The following TANC2 variants were observed in gnomAD, a reference collection of about 807,000 sequenced individuals.
TANC2 encodes tetratricopeptide repeat, ankyrin repeat and coiled-coil containing 2, also known as protein TANC2.
TANC2 carries 26 observed loss-of-function variants against 210.5 expected under a neutral mutation model. The ratio of observed to expected loss-of-function variants is 0.12; its 90% CI spans 0.09 to 0.17. TANC2 has a LOEUF of 0.17. TANC2 is among the 10% of genes least tolerant of loss of function. The probability of loss-of-function intolerance (pLI) is 1.00; values close to 1 mark genes in which losing one functional copy is unlikely to be tolerated. For missense variants in TANC2, 2,129 were observed against 2,608.9 expected (o/e 0.82, Z 4.01); for synonymous variants, 931 against 967.1 (o/e 0.96, Z 0.69).
chr17:63,353,716 C>T (rs1237016543), intron 13 of TANC2, among the ~76,000 whole-genome samples: 1 of 151,926 alleles, frequency 6.6e-6, no homozygotes, highest in Non-Finnish European at 1.5e-5. Context: ...TAAAAGTGGC[C>T]AGTGTGCTAA....
intron 8 of TANC2, among the ~76,000 whole-genome samples, chr17:63,257,759 A>ACT (rs1173228286): frequency 6.6e-6 from 1 of 150,920 alleles, no homozygotes; most frequent in East Asian, 1.9e-4. Context: ...ACTAATAAAA[A>ACT]CTCTCTACAC....
chr17:63,233,339 G>C (rs537867218), intron 7 of TANC2, among the ~76,000 whole-genome samples: 2 of 152,276 alleles, frequency 1.3e-5, no homozygotes, highest in East Asian at 3.9e-4. Flanking sequence ...AAACCCTGGT[G>C]GTGTGTGTGG....
In TANC2 at chr17:63,345,592, C is replaced by A. The variant is rs540349021; in HGVS notation, c.1807+5260C>A. ...TGAGATCATGCCATTGCACTCCAGC[C>A]TGGGCAACAAGAGCAAAATTCTGTC... On this transcript the variant is annotated intron_variant, in intron 12 of 27. Coordinates refer to ENST00000689528, the Ensembl canonical transcript of TANC2. Among the ~76,000 whole-genome samples the A allele has an allele frequency of 2.6e-3, 353 of 137,730 alleles. 2 individuals carry two copies. The highest frequency in any genetic ancestry group is 4.0e-3 in the Middle Eastern group (1 of 250). The allele number at this position is 137,730 out of a possible 152,430, so 90.4% of individuals were successfully genotyped here. A position where few individuals can be genotyped will look rare whatever the true frequency, so the allele number is the denominator to read the frequency against.
At chr17:63,190,727 C>T (rs1445711424) in intron 5 of TANC2, among the ~76,000 whole-genome samples, 1 of 151,706 alleles carries the variant, frequency 6.6e-6, no homozygotes, top group Non-Finnish European at 1.5e-5. Flanking sequence ...CATAATGCAC[C>T]CTCCCCCCTG....
chr17:63,162,561 T>C (rs1174931658), intron 5 of TANC2, among the ~76,000 whole-genome samples: 1 of 152,044 alleles, frequency 6.6e-6, no homozygotes, highest in African/African-American at 2.4e-5. Flanking sequence ...AATGCTGAAA[T>C]AACACACTTG....
At position 63,354,797 on chromosome 17, in the gene TANC2, G is replaced by A. The variant is rs150314512; in HGVS notation, c.1989G>A (p.Leu663=). Residue 663 remains leucine (L), a synonymous_variant, in exon 14 of 28, where the codon CTG becomes CTA. Coordinates refer to ENST00000689528, the Ensembl canonical transcript of TANC2. ...CATCTTTTTAGGAAATTACCAAGCT[G>A]CTGCCTTTCCATAGGATTTTTTTGG... is the stretch of plus-strand genomic sequence containing the variant. 1,187 of 1,570,002 alleles carry A rather than the reference G, an allele frequency of 7.6e-4. 7 individuals are homozygous for A. The African/African-American group carries it at 0.015, about 20-fold the overall frequency.
intron 1 of TANC2, among the ~76,000 whole-genome samples, chr17:62,999,415 A>T (rs549282168): frequency 6.6e-6 from 1 of 152,330 alleles, no homozygotes; most frequent in South Asian, 2.1e-4. Context: ...ACAGCCTAAT[A>T]CACAGACTTT....
exon 5 of TANC2, chr17:63,151,368 G>A (rs997169507): frequency 8.2e-5 from 81 of 985,664 alleles, no homozygotes; most frequent in Non-Finnish European, 9.6e-5. Flanking sequence ...GGACGTGGAT[G>A]CATACTGCCC....
chr17:63,256,121 G>A (rs2043188149), intron 8 of TANC2, among the ~76,000 whole-genome samples: 1 of 151,872 alleles, frequency 6.6e-6, no homozygotes, highest in African/African-American at 2.4e-5. Context: ...GGCCAGGCTG[G>A]TCTCATAAAC....
intron 12 of TANC2, among the ~76,000 whole-genome samples, chr17:63,350,876 G>GAAAAAAAAAAAAA (rs374621938): frequency 1.6e-5 from 2 of 121,394 alleles, no homozygotes; most frequent in Non-Finnish European, 1.8e-5. Context: ...GTCAGATAGG[G>GAAAAAAAAAAAAA]AAAAAAAAAA....
At chr17:63,129,380 T>C (rs540205163) in intron 4 of TANC2, among the ~76,000 whole-genome samples, 1 of 152,280 alleles carries the variant, frequency 6.6e-6, no homozygotes, top group South Asian at 2.1e-4. Context: ...TACATGTTAT[T>C]CACATTTTCC....
intron 7 of TANC2, among the ~76,000 whole-genome samples, chr17:63,226,458 G>A (rs536236884): frequency 1.5e-4 from 23 of 152,290 alleles, no homozygotes; most frequent in African/African-American, 4.8e-4. Flanking sequence ...TGGCCAGCTA[G>A]CACCTGCAAG....
intron 9 of TANC2, among the ~76,000 whole-genome samples, chr17:63,312,475 C>A (rs13341914): frequency 0.032 from 4,893 of 152,190 alleles, 89 homozygotes; most frequent in African/African-American, 0.046. Context: ...GAACAAAAAA[C>A]CAAATTCTAC....
intron 5 of TANC2, among the ~76,000 whole-genome samples, chr17:63,170,711 A>T (rs1004125180): frequency 1.3e-5 from 2 of 152,186 alleles, no homozygotes; most frequent in African/African-American, 4.8e-5. Context: ...ATTCTGGGGA[A>T]TTCTATATAT....
intron 11 of TANC2, among the ~76,000 whole-genome samples, chr17:63,333,056 T>G (rs1567924021): frequency 6.6e-6 from 1 of 152,214 alleles, no homozygotes; most frequent in Non-Finnish European, 1.5e-5. Context: ...ACAAGGAGAT[T>G]ATTATTGTTG....
Position 63,200,929 on chromosome 17 carries a change from C to T in TANC2, c.741C>T (p.Thr247=). The change falls in exon 7 of 28, where the codon ACC becomes ACT. Residue 247 remains threonine (T), a synonymous_variant. Transcript: ENST00000689528. ...GGGCTGTTACTAGTCCAACCTCTAC[C>T]CTTGAAAGCAGAGATAGTGGCATCA... The T allele has an allele frequency of 1.9e-6, 3 of 1,610,944 alleles. No homozygotes were observed. The East Asian group carries it at 6.7e-5, about 36-fold the overall frequency.
intron 14 of TANC2, among the ~76,000 whole-genome samples, chr17:63,374,368 A>G (rs185917611): frequency 9.2e-4 from 140 of 152,238 alleles, no homozygotes; most frequent in Admixed American, 2.5e-3. Flanking sequence ...CACAGGTATA[A>G]GATGTTATTA....
intron 3 of TANC2, among the ~76,000 whole-genome samples, chr17:63,082,450 A>C (rs1215443637): frequency 1.3e-5 from 2 of 152,198 alleles, no homozygotes; most frequent in Non-Finnish European, 2.9e-5. Context: ...GCTAGTTCCC[A>C]CAAGGGGGCA....
intron 8 of TANC2, among the ~76,000 whole-genome samples, chr17:63,246,948 T>C (rs2042935782): frequency 6.6e-6 from 1 of 152,188 alleles, no homozygotes; most frequent in East Asian, 1.9e-4. Context: ...CAAGGATTCC[T>C]GTTTCTCTAC....
Sources: gnomAD v4.1 joint callset for allele counts (sites outside exome capture counted in the v4.1 genomes callset) on GRCh38, gnomAD v4.1.1 for gene constraint, MANE v1.5 for transcripts, NCBI Gene and HGNC (gene_info 2026-07-23, HGNC 2026-07-21) for gene names.